Variants in TMTC2 observed in about 807,000 individuals in gnomAD.
TMTC2 encodes transmembrane O-mannosyltransferase targeting cadherins 2.
In TMTC2, 43 loss-of-function variants were observed where a neutral mutation model predicts 82.4. The ratio of observed to expected loss-of-function variants is 0.52; its 90% CI spans 0.41 to 0.67. TMTC2 has a LOEUF of 0.67. Among genes scored for constraint, TMTC2 ranks in the 30% least tolerant of loss-of-function variants. The pLI is 0.00. For missense variants in TMTC2, 919 were observed against 1,012.4 expected, an observed-to-expected ratio of 0.91 and a Z score of 1.25; for synonymous variants, 408 against 381.9, an observed-to-expected ratio of 1.07 and a Z score of -0.80.
intron 11 of TMTC2, among the ~76,000 whole-genome samples, chr12:83,114,218 G>A (rs1884685517): frequency 6.6e-6 from 1 of 152,002 alleles, no homozygotes; most frequent in Admixed American, 6.6e-5. Flanking sequence ...GAGTAGGTTA[G>A]GTCATGAGGG....
chr12:82,835,482 G>A (rs922221708), intron 1 of TMTC2, among the ~76,000 whole-genome samples: 2 of 152,016 alleles, frequency 1.3e-5, no homozygotes, highest in Non-Finnish European at 2.9e-5. Context: ...CCAATTTTAG[G>A]TCTTAGGATT....
At chr12:83,056,648 A>C (rs1174574557) in intron 10 of TMTC2, among the ~76,000 whole-genome samples, 2 of 151,932 alleles carry the variant, frequency 1.3e-5, no homozygotes, top group Non-Finnish European at 2.9e-5. Flanking sequence ...ATATATTTCC[A>C]GCGCCCTCTG....
chr12:82,781,399 C>CTTTTTTTTT (rs71068954), intron 1 of TMTC2, among the ~76,000 whole-genome samples: 3 of 121,172 alleles, frequency 2.5e-5, no homozygotes, highest in Non-Finnish European at 3.3e-5. Context: ...GGAGTTTGCT[C>CTTTTTTTTT]TTTTTTTTTT....
intron 1 of TMTC2, among the ~76,000 whole-genome samples, chr12:82,689,834 G>C (rs1265966656): frequency 6.6e-6 from 1 of 152,126 alleles, no homozygotes; most frequent in Admixed American, 6.5e-5. Flanking sequence ...TGATTTTATT[G>C]ATAGCATGCT....
intron 1 of TMTC2, among the ~76,000 whole-genome samples, chr12:82,746,754 C>T (rs941977479): frequency 3.9e-5 from 6 of 152,230 alleles, no homozygotes; most frequent in East Asian, 1.9e-4. Context: ...TCTCTAGCAA[C>T]GGCAGAACAG....
At chr12:82,889,873 C>A (rs1409257600) in intron 2 of TMTC2, among the ~76,000 whole-genome samples, 1 of 151,780 alleles carries the variant, frequency 6.6e-6, no homozygotes, top group East Asian at 1.9e-4. Context: ...TTTTTTATTA[C>A]CATATTGAAA....
intron 11 of TMTC2, among the ~76,000 whole-genome samples, chr12:83,089,392 T>G (rs556107261): frequency 6.6e-6 from 1 of 152,236 alleles, no homozygotes; most frequent in Non-Finnish European, 1.5e-5. Flanking sequence ...CGGCACATAG[T>G]AAACACTCAA....
intron 11 of TMTC2, among the ~76,000 whole-genome samples, chr12:83,097,959 T>C (rs1399440661): frequency 6.6e-6 from 1 of 152,182 alleles, no homozygotes; most frequent in African/African-American, 2.4e-5. Flanking sequence ...GGATTCACTT[T>C]GGATTTTATT....
intron 1 of TMTC2, among the ~76,000 whole-genome samples, chr12:82,848,305 A>C (rs1870797730): frequency 6.6e-6 from 1 of 152,144 alleles, no homozygotes; most frequent in Non-Finnish European, 1.5e-5. Flanking sequence ...GCCTGGAAGT[A>C]TCGCCACAGT....
At chr12:83,041,482 C>T (rs1881894394) in intron 9 of TMTC2, among the ~76,000 whole-genome samples, 1 of 151,764 alleles carries the variant, frequency 6.6e-6, no homozygotes, top group African/African-American at 2.4e-5. Context: ...TGACAATGGG[C>T]ATTTATTATT....
intron 5 of TMTC2, 72 bp from the exon 6 acceptor site, chr12:82,965,486 GAA>G: frequency 6.6e-7 from 1 of 1,521,210 alleles, no homozygotes; most frequent in South Asian, 1.2e-5. Context: ...AAACCAAATT[GAA>G]ACAAAGAAAA....
chr12:83,040,400 G>T (rs886354112), intron 9 of TMTC2, among the ~76,000 whole-genome samples: 3 of 152,110 alleles, frequency 2.0e-5, no homozygotes, highest in Non-Finnish European at 4.4e-5. Flanking sequence ...CAGGGAGGAA[G>T]GGCAGCTTGA....
At chr12:83,120,600 A>G (rs1300141192) in intron 11 of TMTC2, among the ~76,000 whole-genome samples, 1 of 151,882 alleles carries the variant, frequency 6.6e-6, no homozygotes, top group Non-Finnish European at 1.5e-5. Flanking sequence ...TCCTTCCTTT[A>G]CCTTTGGATA....
At chr12:82,920,774 T>C (rs1875346368) in intron 3 of TMTC2, among the ~76,000 whole-genome samples, 1 of 152,140 alleles carries the variant, frequency 6.6e-6, no homozygotes, top group African/African-American at 2.4e-5. Flanking sequence ...TGCTTAGTCT[T>C]AGGATTGAAG....
chr12:82,964,437 G>T (rs879581652), intron 4 of TMTC2, among the ~76,000 whole-genome samples: 3 of 152,094 alleles, frequency 2.0e-5, no homozygotes, highest in Admixed American at 6.6e-5. Flanking sequence ...CCGAAATCCA[G>T]TCTTATTCAA....
chr12:82,807,025 C>T (rs115197622), intron 1 of TMTC2, among the ~76,000 whole-genome samples: 243 of 152,142 alleles, frequency 1.6e-3, no homozygotes, highest in African/African-American at 5.6e-3. Context: ...CTAACATGTA[C>T]GATTGACAGC....
At chr12:83,081,312 T>A (rs1206343240) in intron 11 of TMTC2, among the ~76,000 whole-genome samples, 1 of 152,222 alleles carries the variant, frequency 6.6e-6, no homozygotes, top group Non-Finnish European at 1.5e-5. Context: ...TTATGCTAAA[T>A]ATGCTTGTCA....
chr12:83,056,323 T>G (rs1017315743), intron 10 of TMTC2, among the ~76,000 whole-genome samples: 1 of 151,906 alleles, frequency 6.6e-6, no homozygotes, highest in African/African-American at 2.4e-5. Context: ...GGGTGGAAAC[T>G]ATCACTGTTC....
At chr12:82,771,527 A>G (rs924242336) in intron 1 of TMTC2, among the ~76,000 whole-genome samples, 4 of 152,164 alleles carry the variant, frequency 2.6e-5, no homozygotes, top group Admixed American at 6.5e-5. Flanking sequence ...TTAACTGCTT[A>G]GTCACTGAAA....
Sources: gnomAD v4.1 joint callset for allele counts (sites outside exome capture counted in the v4.1 genomes callset) on GRCh38, gnomAD v4.1.1 for gene constraint, MANE v1.5 for transcripts, NCBI Gene and HGNC (gene_info 2026-07-23, HGNC 2026-07-21) for gene names.